GPR39: variants seen among roughly 807,000 people sequenced by gnomAD.
GPR39 encodes zinc sensing receptor.
A neutral mutation model predicts 18.4 loss-of-function variants in GPR39; 23 were observed. That is an observed-to-expected ratio of 1.25 (90% CI 0.90 to 1.77). The LOEUF is 1.77. Ranked by LOEUF, GPR39 falls within the 40% of genes most tolerant of loss-of-function variation. The pLI, the probability that GPR39 is intolerant of heterozygous loss-of-function variation, is 0.00. For synonymous variants in GPR39, 280 were observed against 257.9 expected (o/e 1.09, Z -0.82); for missense variants, 647 against 602.4 (o/e 1.07, Z -0.78).
At chr2:132,426,829 G>A (rs1680126900) in intron 1 of GPR39, among the ~76,000 whole-genome samples, 1 of 152,062 alleles carries the variant, frequency 6.6e-6, no homozygotes, top group African/African-American at 2.4e-5. Flanking sequence ...CAGATCGGGA[G>A]GCAAGGCTGC....
intron 1 of GPR39, among the ~76,000 whole-genome samples, chr2:132,554,076 A>T (rs778826601): frequency 1.2e-4 from 19 of 152,168 alleles, no homozygotes; most frequent in Non-Finnish European, 2.2e-4. Context: ...TTCCTCTAAC[A>T]GTTGAGGGTC....
intron 1 of GPR39, among the ~76,000 whole-genome samples, chr2:132,589,549 C>G (rs192376693): frequency 6.6e-6 from 1 of 152,172 alleles, no homozygotes; most frequent in Non-Finnish European, 1.5e-5. Flanking sequence ...TAGGCAGAGC[C>G]GAGATCTCCT....
chr2:132,471,840 A>G (rs780985153), intron 1 of GPR39, among the ~76,000 whole-genome samples: 1 of 152,170 alleles, frequency 6.6e-6, no homozygotes, highest in Non-Finnish European at 1.5e-5. Flanking sequence ...GTTAACTTTC[A>G]GTAGATCAGG....
intron 1 of GPR39, among the ~76,000 whole-genome samples, chr2:132,488,273 T>A (rs1255807467): frequency 6.6e-6 from 1 of 152,210 alleles, no homozygotes; most frequent in Admixed American, 6.5e-5. Flanking sequence ...TATAAAACAA[T>A]TTTAAAACCT....
chr2:132,504,429 G>A (rs1466062823), intron 1 of GPR39, among the ~76,000 whole-genome samples: 1 of 152,184 alleles, frequency 6.6e-6, no homozygotes, highest in Admixed American at 6.5e-5. Flanking sequence ...TTGGGCCCCA[G>A]TTCTAGAAGC....
At chr2:132,568,181 A>T (rs1010233697) in intron 1 of GPR39, among the ~76,000 whole-genome samples, 1 of 152,110 alleles carries the variant, frequency 6.6e-6, no homozygotes, top group African/African-American at 2.4e-5. Context: ...AGATAGGGCA[A>T]ACAATGCCAG....
intron 1 of GPR39, among the ~76,000 whole-genome samples, chr2:132,518,516 A>G (rs779685829): frequency 4.6e-5 from 7 of 152,192 alleles, no homozygotes; most frequent in African/African-American, 1.2e-4. Context: ...CGCCCCGTTC[A>G]TGGGCTCTGT....
intron 1 of GPR39, among the ~76,000 whole-genome samples, chr2:132,469,867 G>A (rs903492171): frequency 3.9e-5 from 6 of 152,214 alleles, no homozygotes; most frequent in African/African-American, 1.4e-4. Flanking sequence ...AGAGGAGGCT[G>A]CTGTGCCCGA....
intron 1 of GPR39, among the ~76,000 whole-genome samples, chr2:132,585,685 G>C (rs1265763764): frequency 6.6e-6 from 1 of 152,066 alleles, no homozygotes; most frequent in Non-Finnish European, 1.5e-5. Flanking sequence ...CCAGTGGAGT[G>C]GACGGGCAAG....
At chr2:132,462,795 G>A (rs1012471441) in intron 1 of GPR39, among the ~76,000 whole-genome samples, 4 of 152,006 alleles carry the variant, frequency 2.6e-5, no homozygotes, top group African/African-American at 4.8e-5. Context: ...TGGAGATGAT[G>A]GTACTAAAAG....
At chr2:132,444,441 C>A (rs1162368094) in intron 1 of GPR39, among the ~76,000 whole-genome samples, 2 of 152,076 alleles carry the variant, frequency 1.3e-5, no homozygotes, top group Admixed American at 6.6e-5. Flanking sequence ...CAGGCACACG[C>A]CCATACCCAG....
intron 1 of GPR39, among the ~76,000 whole-genome samples, chr2:132,502,292 C>T (rs939418393): frequency 6.6e-5 from 10 of 152,042 alleles, no homozygotes; most frequent in African/African-American, 2.2e-4. Context: ...ATTCTCTCAG[C>T]GTTTGTTTGT....
chr2:132,606,415 C>A (rs192190771), intron 1 of GPR39, among the ~76,000 whole-genome samples: 5 of 152,344 alleles, frequency 3.3e-5, no homozygotes, highest in African/African-American at 1.2e-4. Flanking sequence ...ATCCCTCTTG[C>A]AGGGTGTGCA....
intron 1 of GPR39, among the ~76,000 whole-genome samples, chr2:132,536,835 C>CT (rs1367184194): frequency 6.6e-6 from 1 of 152,174 alleles, no homozygotes; most frequent in Non-Finnish European, 1.5e-5. Context: ...ACTTCTTGGT[C>CT]TTTTTTCATC....
At position 132,601,774 on chromosome 2, in the gene GPR39, C is replaced by T. The variant is rs112245414; in HGVS notation, c.857-43327C>T. Among the ~76,000 whole-genome samples the T allele has an allele frequency of 2.7e-3, 406 of 152,100 alleles. 1 individual carries two copies. The highest frequency in any genetic ancestry group is 4.6e-3 in the Non-Finnish European group (314 of 67,936). Reference sequence around the variant, plus strand: ...CAGTAGTGTCTTTATACACCAATAACGACCTAGCTGAAAAAGAAATCAAGA... The same window carrying T: ...CAGTAGTGTCTTTATACACCAATAATGACCTAGCTGAAAAAGAAATCAAGA... On this transcript the variant is annotated intron_variant, in intron 1 of 1. Transcript: ENST00000329321.
At chr2:132,546,570 C>G (rs1290590885) in intron 1 of GPR39, among the ~76,000 whole-genome samples, 1 of 152,026 alleles carries the variant, frequency 6.6e-6, no homozygotes, top group Non-Finnish European at 1.5e-5. Flanking sequence ...GGCTTGTCTA[C>G]CCAGTATTCC....
chr2:132,618,829 T>G (rs931069201), intron 1 of GPR39, among the ~76,000 whole-genome samples: 2 of 151,942 alleles, frequency 1.3e-5, no homozygotes, highest in Non-Finnish European at 2.9e-5. Context: ...GTTGTGGAGG[T>G]CCCTACGGAA....
intron 1 of GPR39, among the ~76,000 whole-genome samples, chr2:132,534,911 G>T (rs1019998220): frequency 1.3e-5 from 2 of 151,878 alleles, no homozygotes; most frequent in Non-Finnish European, 2.9e-5. Context: ...AAGGGGAGCA[G>T]CACACCAACA....
intron 1 of GPR39, among the ~76,000 whole-genome samples, chr2:132,484,530 G>T (rs957468391): frequency 1.3e-5 from 2 of 152,174 alleles, no homozygotes; most frequent in African/African-American, 4.8e-5. Context: ...AGCCTCAGAT[G>T]GGAAATCCAA....
Sources: gnomAD v4.1 joint callset for allele counts (sites outside exome capture counted in the v4.1 genomes callset) on GRCh38, gnomAD v4.1.1 for gene constraint, MANE v1.5 for transcripts, NCBI Gene and HGNC (gene_info 2026-07-23, HGNC 2026-07-21) for gene names.